TCF15: variants seen among roughly 807,000 people sequenced by gnomAD.
TCF15 encodes transcription factor 15.
In TCF15, 7 loss-of-function variants were observed where a neutral mutation model predicts 11.1. That is an observed-to-expected ratio of 0.63 (90% CI 0.36 to 1.19). The LOEUF (loss-of-function observed/expected upper bound fraction) is 1.19. Among genes scored for constraint, TCF15 ranks in the 50% most tolerant of loss-of-function variants. The pLI, the probability that TCF15 is intolerant of heterozygous loss-of-function variation, is 0.02. For missense variants in TCF15, 288 were observed against 289.4 expected, an observed-to-expected ratio of 1.00 and a Z score of 0.03; for synonymous variants, 144 against 138.9, an observed-to-expected ratio of 1.04 and a Z score of -0.26.
chr20:609,273 C>T lies in TCF15; in HGVS notation c.525+440G>A, dbSNP rs772577943. On this transcript the variant is annotated intron_variant, in intron 1 of 1. Coordinates refer to ENST00000246080, the MANE Select transcript of TCF15 (RefSeq NM_004609.4). This position sits in a 1 kb window ranked among gnomAD's most constrained non-coding sequence, Gnocchi z 4.7. ...GCTGAGTAAATGTGGGCAGGTGATC[C>T]CATCTCTGATGCTCAGATCCTCATC... Among the ~76,000 whole-genome samples, 8 of 152,180 alleles carry T rather than the reference C, an allele frequency of 5.3e-5. No individual in the cohort carries two copies. The highest frequency in any genetic ancestry group is 1.3e-4 in the Admixed American group (2 of 15,276).
At position 604,598 on chromosome 20, in the gene TCF15, C is replaced by T. The variant is rs1475693885; in HGVS notation, c.593G>A (p.Arg198Gln). 30 of 1,552,610 alleles carry T rather than the reference C, an allele frequency of 1.9e-5. No individual in the cohort carries two copies. Among genetic ancestry groups the T allele is most frequent in the African/African-American group, 5.5e-5 (4 of 73,068 alleles). The change falls in exon 2 of 2, where the codon CGG becomes CAG. Residue 198 changes from arginine to glutamine, a missense_variant. By Grantham distance (43) the Arg-to-Gln change is conservative. Coordinates refer to ENST00000246080, the MANE Select transcript of TCF15 (RefSeq NM_004609.4). The surrounding 1 kb of genome is among the most constrained non-coding windows in gnomAD (Gnocchi z 4.2). ...CTTCTCCAGGGTCCAGGCTCATCTC[C>T]GTGGCCCTCGAAGGGGGGCCACCCC... ...VRGVAPLRGP[R>Q]R
rs1422436418 is a variant in TCF15 at position 609,826 on chromosome 20, G to A, written c.412C>T (p.Gln138Ter). 1 of 1,516,154 alleles carries A rather than the reference G, an allele frequency of 6.6e-7. No individual in the cohort carries two copies. Among genetic ancestry groups the A allele is most frequent in the South Asian group, 1.2e-5 (1 of 80,260 alleles). 93.9% of individuals were successfully genotyped at this position (1,516,154 alleles called of 1,614,324 possible). A position where few individuals can be genotyped will look rare whatever the true frequency, so the allele number is the denominator to read the frequency against. ...CTGCCCGCGGCACGGAAGCACGGCT[G>A]CCCGTCGTCGGCCGAGTCGCCCAGC... ...LLLGDSADDGQPCFRAAGSAK... is the reference protein window; with the variant it reads ...LLLGDSADDG Residue 138 changes from glutamine to a stop codon, truncating the protein, a stop_gained, in exon 1 of 2, where the codon CAG (glutamine) becomes TAG (stop). Transcript: ENST00000246080. LOFTEE classifies it high-confidence loss of function. This position sits in a 1 kb window ranked among gnomAD's most constrained non-coding sequence, Gnocchi z 4.7.
At chr20:606,197 TGG>T in intron 1 of TCF15, among the ~76,000 whole-genome samples, 1 of 152,238 alleles carries the variant, frequency 6.6e-6, no homozygotes, top group South Asian at 2.1e-4. Context: ...CAGCAGAGCC[TGG>T]GGCTTGGGCT....
At chr20:606,971 T>G (rs570004727) in intron 1 of TCF15, among the ~76,000 whole-genome samples, 2 of 152,358 alleles carry the variant, frequency 1.3e-5, no homozygotes, top group Middle Eastern at 3.4e-3. Flanking sequence ...GGCCAACTAC[T>G]GGACCTCAGG....
chr20:606,047 C>T (rs1250696528), intron 1 of TCF15, among the ~76,000 whole-genome samples: 1 of 152,226 alleles, frequency 6.6e-6, no homozygotes, highest in African/African-American at 2.4e-5. Context: ...GGAGCTCTGT[C>T]CCCTGCCCCC....
rs2019960514 is a variant in TCF15, at chr20:604,979, A to G, written c.526-314T>C. Among the ~76,000 whole-genome samples, 1 of 152,068 alleles carries G rather than the reference A, an allele frequency of 6.6e-6. No homozygotes were observed. Among genetic ancestry groups the G allele is most frequent in the African/African-American group, 2.4e-5 (1 of 41,412 alleles). ...AATTTGATGATGGAGAGAGGATGGGAGGGAGGCTCTCTCATGCTATACTGT... is the reference window on the plus strand; with the variant it reads ...AATTTGATGATGGAGAGAGGATGGGGGGGAGGCTCTCTCATGCTATACTGT... On this transcript the variant is annotated intron_variant, in intron 1 of 1. Transcript: ENST00000246080. The surrounding 1 kb of genome is among the most constrained non-coding windows in gnomAD (Gnocchi z 4.2).
rs1167501604 is a variant in TCF15 at position 610,193 on chromosome 20, G to A, written c.45C>T (p.Tyr15=). 2.9e-6 allele frequency: 3 copies of A among 1,042,980 alleles called. No homozygotes were observed. Among genetic ancestry groups the A allele is most frequent in the South Asian group, 3.0e-5 (1 of 32,976 alleles). The allele number at this position is 1,042,980 out of a possible 1,614,324, so 64.6% of individuals were successfully genotyped here. A position where few individuals can be genotyped will look rare whatever the true frequency, so the allele number is the denominator to read the frequency against. Residue 15 remains tyrosine (Y), a synonymous_variant, in exon 1 of 2, where the codon TAC becomes TAT. Transcript: ENST00000246080. The part of the protein sequence containing the change: ...LLRPVGAHVL[Y]PDVRLLSEDE... ...CCTCGCTCAGCAGCCGCACGTCCGG[G>A]TACAGCACGTGCGCGCCGACGGGCC...
intron 1 of TCF15, among the ~76,000 whole-genome samples, chr20:605,142 C>T (rs531283539): frequency 1.6e-4 from 25 of 152,296 alleles, no homozygotes; most frequent in Non-Finnish European, 2.2e-4. Context: ...AGGGGCCCAC[C>T]GCCACACCCG....
chr20:608,496 C>T (rs1472094373), intron 1 of TCF15, among the ~76,000 whole-genome samples: 1 of 152,248 alleles, frequency 6.6e-6, no homozygotes, highest in African/African-American at 2.4e-5. Context: ...CTGGGAGCAG[C>T]AGGGACCCTG....
Position 609,787 on chromosome 20 carries a change from C to G in TCF15, c.451G>C (p.Val151Leu), listed in dbSNP as rs757441008. 4 of 1,430,034 alleles carry G rather than the reference C, an allele frequency of 2.8e-6. No individual in the cohort carries two copies. The highest frequency in any genetic ancestry group is 2.7e-6 in the Non-Finnish European group (3 of 1,104,700). 88.6% of individuals were successfully genotyped at this position (1,430,034 alleles called of 1,614,324 possible). A position where few individuals can be genotyped will look rare whatever the true frequency, so the allele number is the denominator to read the frequency against. ...FRAAGSAKGA[V>L]PAAADGGRQP... ...CGGCCGCCGTCGGCGGCGGCGGGGA[C>G]GGCGCCCTTGGCACTGCCCGCGGCA... The change falls in exon 1 of 2, where the codon GTC becomes CTC. Residue 151 changes from valine (V) to leucine (L), a missense_variant. Transcript: ENST00000246080. This position sits in a 1 kb window ranked among gnomAD's most constrained non-coding sequence, Gnocchi z 4.7.
chr20:609,783 G>C lies in TCF15; in HGVS notation c.455C>G (p.Pro152Arg). ...RAAGSAKGAVPAAADGGRQPR... is the reference protein window; with the variant it reads ...RAAGSAKGAVRAAADGGRQPR... ...CTGGCGGCCGCCGTCGGCGGCGGCG[G>C]GGACGGCGCCCTTGGCACTGCCCGC... Residue 152 changes from proline to arginine, a missense_variant, in exon 1 of 2, where the codon CCC becomes CGC. Transcript: ENST00000246080. This position sits in a 1 kb window ranked among gnomAD's most constrained non-coding sequence, Gnocchi z 4.7. 7.0e-7 allele frequency: 1 copy of C among 1,421,582 alleles called. No individual in the cohort carries two copies. The highest frequency in any genetic ancestry group is 9.1e-7 in the Non-Finnish European group (1 of 1,100,882). 88.1% of individuals were successfully genotyped at this position (1,421,582 alleles called of 1,614,324 possible).
intron 1 of TCF15, among the ~76,000 whole-genome samples, chr20:608,347 GT>G (rs1354862126): frequency 6.6e-6 from 1 of 152,210 alleles, no homozygotes; most frequent in African/African-American, 2.4e-5. Context: ...GTAGCTAAGG[GT>G]TGCTAACTGG....
At position 610,128 on chromosome 20, in the gene TCF15, G is replaced by A. The variant is rs1388615181; in HGVS notation, c.110C>T (p.Ser37Leu). The change falls in exon 1 of 2, where the codon TCG becomes TTG. Residue 37 changes from serine (S) to leucine (L), a missense_variant. Transcript: ENST00000246080. The stretch of plus-strand genomic sequence containing the variant: ...CTCCGGGCCCTCGCAGCAGCCGAAC[G>A]ACTGGTCCGACGCGTCGCTCTCGCT... The part of the protein sequence containing the change: ...NRSESDASDQ[S>L]FGCCEGPEAA... 1.8e-5 allele frequency: 18 copies of A among 1,025,122 alleles called. No individual in the cohort carries two copies. The highest frequency in any genetic ancestry group is 1.1e-4 in the East Asian group (1 of 9,354). The allele number at this position is 1,025,122 out of a possible 1,614,324, so 63.5% of individuals were successfully genotyped here.
At position 610,267 on chromosome 20, in the gene TCF15, C is replaced by T; in HGVS notation, c.-30G>A. ...GCCGGCCGCGTCCCTCCGTGCGCCG[C>T]GTCCCAGCGTCGGCCGCGCCCCGCC... On this transcript the variant is annotated 5_prime_UTR_variant, in exon 1 of 2. Transcript: ENST00000246080. 1 of 988,814 alleles carries T rather than the reference C, an allele frequency of 1.0e-6. No individual in the cohort carries two copies. The highest frequency in any genetic ancestry group is 1.2e-6 in the Non-Finnish European group (1 of 833,120). 61.3% of individuals were successfully genotyped at this position (988,814 alleles called of 1,614,324 possible).
intron 1 of TCF15, among the ~76,000 whole-genome samples, chr20:605,928 A>T (rs757621764): frequency 6.6e-6 from 1 of 152,234 alleles, no homozygotes; most frequent in Non-Finnish European, 1.5e-5. Context: ...TTTCCAGGAC[A>T]TGATAGTGTC....
chr20:605,560 A>G (rs1420806140), intron 1 of TCF15, among the ~76,000 whole-genome samples: 1 of 152,216 alleles, frequency 6.6e-6, no homozygotes, highest in African/African-American at 2.4e-5. Context: ...GTGGTAGGGA[A>G]AAGGAGTTCT....
At chr20:607,656 T>G (rs994573883) in intron 1 of TCF15, among the ~76,000 whole-genome samples, 6 of 152,212 alleles carry the variant, frequency 3.9e-5, no homozygotes, top group African/African-American at 1.4e-4. Flanking sequence ...GGGAGGCCCC[T>G]GTGAGCTGTG....
chr20:606,447 A>G (rs1311110344), intron 1 of TCF15, among the ~76,000 whole-genome samples: 1 of 152,188 alleles, frequency 6.6e-6, no homozygotes, highest in Non-Finnish European at 1.5e-5. Context: ...AAATGGGGAC[A>G]AAATGATTTT....
intron 1 of TCF15, among the ~76,000 whole-genome samples, chr20:607,599 G>C (rs2019987096): frequency 6.6e-6 from 1 of 152,252 alleles, no homozygotes; most frequent in African/African-American, 2.4e-5. Flanking sequence ...AAATTTGGCT[G>C]AGTTCTTGGT....
Sources: allele counts gnomAD v4.1 joint callset (sites outside exome capture counted in the v4.1 genomes callset), GRCh38; gene constraint gnomAD v4.1.1; non-coding constraint Gnocchi (gnomAD v3.1); transcripts MANE v1.5; gene names NCBI Gene and HGNC (gene_info 2026-07-23, HGNC 2026-07-21).